SORT1: variants seen among roughly 807,000 people sequenced by gnomAD.
The protein encoded by SORT1 is sortilin 1.
A neutral mutation model predicts 101.7 loss-of-function variants in SORT1; 39 were observed. That is an observed-to-expected ratio of 0.38 (90% CI 0.30 to 0.50). The LOEUF (loss-of-function observed/expected upper bound fraction) is 0.50. Ranked by LOEUF, SORT1 falls within the 20% of genes least tolerant of loss-of-function variation. The pLI, the probability that SORT1 is intolerant of heterozygous loss-of-function variation, is 0.90. For synonymous variants in SORT1, 396 were observed against 393.7 expected (o/e 1.01, Z -0.07); for missense variants, 878 against 1,040.4 (o/e 0.84, Z 2.15).
chr1:109,380,833 A>AG (rs1652182297), intron 1 of SORT1, among the ~76,000 whole-genome samples: 1 of 150,596 alleles, frequency 6.6e-6, no homozygotes, highest in Non-Finnish European at 1.5e-5. Flanking sequence ...AAAAAAAAAA[A>AG]AAAAAAAAAT....
At chr1:109,325,223 TA>T in intron 13 of SORT1, 134 bp from the exon 14 acceptor site, 2 of 462,956 alleles carry the variant, frequency 4.3e-6, no homozygotes, top group South Asian at 5.2e-5. Context: ...GGCTGACAAT[TA>T]TTTTAACTTT....
intron 15 of SORT1, among the ~76,000 whole-genome samples, chr1:109,320,551 C>T (rs900584597): frequency 1.3e-5 from 2 of 152,248 alleles, no homozygotes; most frequent in Non-Finnish European, 1.5e-5. Context: ...CATTGATGAG[C>T]TGCTTCTTCC....
intron 5 of SORT1, among the ~76,000 whole-genome samples, chr1:109,352,501 T>C (rs1650036402): frequency 1.3e-5 from 2 of 152,236 alleles, no homozygotes; most frequent in South Asian, 2.1e-4. Context: ...GTGAGCTTAC[T>C]GAGCTCCGCC....
intron 1 of SORT1, among the ~76,000 whole-genome samples, chr1:109,379,235 C>T (rs1652072018): frequency 6.6e-6 from 1 of 151,556 alleles, no homozygotes; most frequent in Admixed American, 6.6e-5. Context: ...TTCCCTGGGG[C>T]ACACTGGCAG....
Position 109,310,707 on chromosome 1 carries a change from C to G in SORT1, c.*3336G>C, listed in dbSNP as rs931613235. On this transcript the variant is annotated 3_prime_UTR_variant, in exon 20 of 20. Transcript: ENST00000256637. ...GCACGGAGCTCTTGAGAGCACTGCT[C>G]AAAGGAAAGAGGGAATCTCTATCTG... 5 of 152,584 alleles carry G rather than the reference C, an allele frequency of 3.3e-5. No individual in the cohort carries two copies. The highest frequency in any genetic ancestry group is 7.3e-5 in the Non-Finnish European group (5 of 68,052). The allele number at this position is 152,584 out of a possible 1,614,324, so 9.5% of individuals were successfully genotyped here. A position where few individuals can be genotyped will look rare whatever the true frequency, so the allele number is the denominator to read the frequency against.
intron 1 of SORT1, among the ~76,000 whole-genome samples, chr1:109,393,538 C>T (rs1653031079): frequency 6.6e-6 from 1 of 152,094 alleles, no homozygotes; most frequent in Non-Finnish European, 1.5e-5. Context: ...ACTTAGTAAC[C>T]AACAATAAAG....
At chr1:109,317,699 ACC>A (rs769552486) in intron 16 of SORT1, among the ~76,000 whole-genome samples, 152 bp downstream of exon 16, 2 of 151,938 alleles carry the variant, frequency 1.3e-5, no homozygotes, top group African/African-American at 4.8e-5. Flanking sequence ...CCTGTAGTTG[ACC>A]CTTGAAGGAG....
At chr1:109,364,146 T>A (rs1444898717) in intron 3 of SORT1, among the ~76,000 whole-genome samples, 1 of 152,058 alleles carries the variant, frequency 6.6e-6, no homozygotes, top group Non-Finnish European at 1.5e-5. Context: ...TTATACTATA[T>A]CAGAAACAAA....
chr1:109,390,752 AGTGT>A (rs749381586), intron 1 of SORT1, among the ~76,000 whole-genome samples: 8 of 144,428 alleles, frequency 5.5e-5, no homozygotes, highest in African/African-American at 1.9e-4. Context: ...AATATTAGAA[AGTGT>A]GTGTGTGTGT....
chr1:109,381,418 G>T (rs1337876454), intron 1 of SORT1, among the ~76,000 whole-genome samples: 1 of 151,544 alleles, frequency 6.6e-6, no homozygotes, highest in East Asian at 1.9e-4. Flanking sequence ...AATGTTTCAA[G>T]AACAAGGAAA....
intron 3 of SORT1, among the ~76,000 whole-genome samples, chr1:109,363,025 A>G (rs949309085): frequency 6.6e-5 from 10 of 152,272 alleles, no homozygotes; most frequent in African/African-American, 2.4e-4. Context: ...CTCAAGTAAC[A>G]TTCTGAAAAA....
intron 1 of SORT1, among the ~76,000 whole-genome samples, chr1:109,375,196 T>C (rs917930419): frequency 2.0e-5 from 3 of 152,116 alleles, no homozygotes; most frequent in Non-Finnish European, 2.9e-5. Flanking sequence ...CTTTTTGAAG[T>C]AGAACAACTT....
In SORT1 at chr1:109,382,470, T is replaced by C. The variant is rs192702079; in HGVS notation, c.307-12881A>G. Among the ~76,000 whole-genome samples, 153 of 152,202 alleles carry C rather than the reference T, an allele frequency of 1.0e-3. No individual in the cohort carries two copies. The Middle Eastern group carries it at 0.01, about 10-fold the overall frequency. ...TTTATTCTTATTTATATTACACTAG[T>C]TAACAGATATACCAGAAGGTTACAG... On this transcript the variant is annotated intron_variant, in intron 1 of 19. Transcript: ENST00000256637.
At chr1:109,324,604 T>C (rs1419324329) in intron 14 of SORT1, among the ~76,000 whole-genome samples, 1 of 152,220 alleles carries the variant, frequency 6.6e-6, no homozygotes, top group Non-Finnish European at 1.5e-5. Context: ...ATTTTGGATA[T>C]ATTAAGTTTA....
intron 3 of SORT1, among the ~76,000 whole-genome samples, chr1:109,358,959 C>T (rs1187492613): frequency 6.6e-6 from 1 of 151,870 alleles, no homozygotes; most frequent in Non-Finnish European, 1.5e-5. Flanking sequence ...TTGCATGTAT[C>T]CACGGTGTAA....
chr1:109,390,409 G>A (rs183806942), intron 1 of SORT1, among the ~76,000 whole-genome samples: 28 of 152,094 alleles, frequency 1.8e-4, no homozygotes, highest in Admixed American at 7.9e-4. Flanking sequence ...CTTCTCATTT[G>A]ACCCTCCAAA....
intron 5 of SORT1, among the ~76,000 whole-genome samples, chr1:109,352,874 C>T (rs1650054543): frequency 6.6e-6 from 1 of 152,144 alleles, no homozygotes; most frequent in Admixed American, 6.5e-5. Context: ...AAGGAAGATG[C>T]AGTAGTCAAA....
At chr1:109,367,377 G>A (rs749760758) in intron 3 of SORT1, 31 bp downstream of exon 3, 4 of 1,283,494 alleles carry the variant, frequency 3.1e-6, no homozygotes, top group Non-Finnish European at 4.5e-6. Flanking sequence ...GTTACTTAGT[G>A]AAATGCTCCA....
intron 10 of SORT1, among the ~76,000 whole-genome samples, chr1:109,336,864 C>T (rs1379219547): frequency 6.6e-6 from 1 of 151,730 alleles, no homozygotes; most frequent in Non-Finnish European, 1.5e-5. Context: ...GAACAGGACC[C>T]AATTAATTCC....
Sources: gnomAD v4.1 joint callset for allele counts (sites outside exome capture counted in the v4.1 genomes callset) on GRCh38, gnomAD v4.1.1 for gene constraint, MANE v1.5 for transcripts, NCBI Gene and HGNC (gene_info 2026-07-23, HGNC 2026-07-21) for gene names.